The following PTPRN2 variants were observed in gnomAD, a reference collection of about 807,000 sequenced individuals.
The protein encoded by PTPRN2 is protein tyrosine phosphatase receptor type N2, also known as receptor-type tyrosine-protein phosphatase N2.
A neutral mutation model predicts 118.8 loss-of-function variants in PTPRN2; 74 were observed. That is an observed-to-expected ratio of 0.62 (90% CI 0.52 to 0.76). The LOEUF (loss-of-function observed/expected upper bound fraction) is 0.76. PTPRN2 is among the 30% of genes least tolerant of loss of function. PTPRN2 has a pLI of 0.00. For synonymous variants in PTPRN2, 641 were observed against 608.0 expected, an observed-to-expected ratio of 1.05 and a Z score of -0.80; for missense variants, 1,481 against 1,394.4, an observed-to-expected ratio of 1.06 and a Z score of -0.99.
intron 10 of PTPRN2, among the ~76,000 whole-genome samples, chr7:158,100,733 A>G (rs533801467): frequency 6.6e-6 from 1 of 152,268 alleles, no homozygotes; most frequent in African/African-American, 2.4e-5. Flanking sequence ...TCTTTAGCCC[A>G]TTGTTTGATG....
At chr7:158,002,645 C>G (rs547084335) in intron 11 of PTPRN2, among the ~76,000 whole-genome samples, 40 of 152,258 alleles carry the variant, frequency 2.6e-4, no homozygotes, top group African/African-American at 8.4e-4. Context: ...AAGGACACCA[C>G]GGGGGTCAGG....
intron 3 of PTPRN2, among the ~76,000 whole-genome samples, chr7:158,290,687 C>G (rs1368265701): frequency 1.3e-5 from 2 of 152,182 alleles, no homozygotes; most frequent in African/African-American, 4.8e-5. Context: ...CTCACCACAA[C>G]ATGCTGCTAG....
At chr7:158,337,060 A>C (rs866351655) in intron 2 of PTPRN2, among the ~76,000 whole-genome samples, 5 of 134,534 alleles carry the variant, frequency 3.7e-5, no homozygotes, top group East Asian at 2.3e-4. Context: ...CACTGTCACC[A>C]TAAGAGCTGA....
At chr7:157,544,538 C>T (rs1195753609) in intron 22 of PTPRN2, among the ~76,000 whole-genome samples, 1 of 152,086 alleles carries the variant, frequency 6.6e-6, no homozygotes, top group Non-Finnish European at 1.5e-5. Context: ...GGCCTCCCGT[C>T]CAGTGAGGAG....
chr7:157,665,239 T>G (rs1283685821), intron 13 of PTPRN2, among the ~76,000 whole-genome samples: 1 of 152,240 alleles, frequency 6.6e-6, no homozygotes, highest in Non-Finnish European at 1.5e-5. Flanking sequence ...ATCACGAAGA[T>G]GGCTCTGTTT....
At chr7:157,889,305 C>A (rs992178811) in intron 12 of PTPRN2, among the ~76,000 whole-genome samples, 1 of 151,744 alleles carries the variant, frequency 6.6e-6, no homozygotes, top group Non-Finnish European at 1.5e-5. Flanking sequence ...TTACCGCCCC[C>A]CTCTCAACTA....
chr7:158,150,753 G>C (rs1398393014), intron 6 of PTPRN2, among the ~76,000 whole-genome samples: 1 of 151,050 alleles, frequency 6.6e-6, no homozygotes, highest in Non-Finnish European at 1.5e-5. Context: ...TTCCTGGTCT[G>C]TGAGACGCTG....
At chr7:158,300,038 G>A (rs180983299) in intron 3 of PTPRN2, among the ~76,000 whole-genome samples, 1 of 152,276 alleles carries the variant, frequency 6.6e-6, no homozygotes, top group East Asian at 1.9e-4. Flanking sequence ...TTTTCCCACT[G>A]TCTGACAGTT....
In PTPRN2 at chr7:158,330,642, G is replaced by A. The variant is rs527882311; in HGVS notation, c.164-13710C>T. 6.6e-5 allele frequency among the ~76,000 whole-genome samples: 7 copies of A among 105,322 alleles called. 1 individual carries two copies. The allele number at this position is 105,322 out of a possible 152,430, so 69.1% of individuals were successfully genotyped here. A position where few individuals can be genotyped will look rare whatever the true frequency, so the allele number is the denominator to read the frequency against. Reference sequence around the variant, plus strand: ...ACCATAAGAGGTGACATCTGCAGACGTCACTCACACCCACACTCTCACAAT... The same window carrying A: ...ACCATAAGAGGTGACATCTGCAGACATCACTCACACCCACACTCTCACAAT... On this transcript the variant is annotated intron_variant, in intron 2 of 22. Transcript: ENST00000389418.
chr7:158,050,607 A>C (rs1809251882), intron 11 of PTPRN2, among the ~76,000 whole-genome samples: 2 of 152,120 alleles, frequency 1.3e-5, no homozygotes, highest in Admixed American at 1.3e-4. Flanking sequence ...ACACCCTCCC[A>C]GGTGCCAGGA....
chr7:157,547,335 G>T (rs1488450774), intron 22 of PTPRN2, among the ~76,000 whole-genome samples: 1 of 152,102 alleles, frequency 6.6e-6, no homozygotes, highest in Admixed American at 6.5e-5. Flanking sequence ...CCTTGACAAG[G>T]CCACCTCTTT....
At chr7:157,776,873 CT>C in intron 12 of PTPRN2, among the ~76,000 whole-genome samples, 9 of 132,752 alleles carry the variant, frequency 6.8e-5, no homozygotes, top group African/African-American at 2.8e-4. Context: ...TCTCCTCCTC[CT>C]CCCTCTCCTC....
chr7:157,969,420 C>T lies in PTPRN2; in HGVS notation c.1724-70683G>A, dbSNP rs530419748. On this transcript the variant is annotated intron_variant, in intron 11 of 22. Transcript: ENST00000389418. ...CCACTGTGCCTGGCTGCCAGTATTT[C>T]CTCTTTGCACACATCCTGCACTTGT... is the stretch of plus-strand genomic sequence containing the variant. Among the ~76,000 whole-genome samples, 10 of 152,284 alleles carry T rather than the reference C, an allele frequency of 6.6e-5. No individual in the cohort carries two copies. In the East Asian group the frequency reaches 1.5e-3, roughly 24 times the overall value.
rs1340024060 is a variant in PTPRN2, at chr7:157,791,572, G to GC, written c.1788+107100dup. ...CCACCTGCCCCCCCTCCCTGCACCCGCCCCCCCTCCCTGCACCCACCTGCC... is the reference window on the plus strand; with the variant it reads ...CCACCTGCCCCCCCTCCCTGCACCCGCCCCCCCCTCCCTGCACCCACCTGCC... On this transcript the variant is annotated intron_variant, in intron 12 of 22. Coordinates refer to ENST00000389418, the MANE Select transcript of PTPRN2 (RefSeq NM_002847.5). 5.2e-3 allele frequency among the ~76,000 whole-genome samples: 425 copies of GC among 81,574 alleles called. 5 individuals carry two copies. The highest frequency in any genetic ancestry group is 0.018 in the African/African-American group (407 of 22,122). The allele number at this position is 81,574 out of a possible 152,430, so 53.5% of individuals were successfully genotyped here.
intron 11 of PTPRN2, among the ~76,000 whole-genome samples, chr7:158,035,463 T>C (rs7456458): frequency 0.77 from 117,025 of 152,192 alleles, 46,237 homozygotes; most frequent in African/African-American, 0.95. Context: ...CAGCTGAGTG[T>C]GGCAGTGGCA....
chr7:158,148,546 C>A (rs13309651), intron 6 of PTPRN2, among the ~76,000 whole-genome samples: 2 of 126,404 alleles, frequency 1.6e-5, no homozygotes, highest in African/African-American at 6.1e-5. Flanking sequence ...GTCTTTCCCC[C>A]TCACTGACAC....
intron 12 of PTPRN2, among the ~76,000 whole-genome samples, chr7:157,824,920 G>A (rs1198530881): frequency 1.3e-5 from 2 of 152,154 alleles, no homozygotes; most frequent in Non-Finnish European, 2.9e-5. Context: ...ATCACGAGCG[G>A]CACCCAGGGC....
intron 11 of PTPRN2, among the ~76,000 whole-genome samples, chr7:158,012,046 A>G (rs1806083767): frequency 6.6e-6 from 1 of 152,184 alleles, no homozygotes; most frequent in Admixed American, 6.5e-5. Flanking sequence ...CTGAATGTGG[A>G]TGAAGCTGCC....
intron 11 of PTPRN2, among the ~76,000 whole-genome samples, chr7:158,018,356 G>A (rs1265296551): frequency 6.6e-6 from 1 of 151,396 alleles, no homozygotes; most frequent in African/African-American, 2.4e-5. Flanking sequence ...GGTGGCCAGA[G>A]AAGACAGGCG....
Sources: gnomAD v4.1 joint callset for allele counts (sites outside exome capture counted in the v4.1 genomes callset) on GRCh38, gnomAD v4.1.1 for gene constraint, MANE v1.5 for transcripts, NCBI Gene and HGNC (gene_info 2026-07-23, HGNC 2026-07-21) for gene names.